FILIP1: variants seen among roughly 807,000 people sequenced by gnomAD.
FILIP1 encodes the protein filamin A interacting protein 1.
Under a neutral mutation model 102.1 loss-of-function variants are expected in FILIP1, and 61 were observed. The observed-to-expected ratio is 0.60, with a 90% CI of 0.49 to 0.74. The LOEUF (loss-of-function observed/expected upper bound fraction) is 0.74. Ranked by LOEUF, FILIP1 falls within the 30% of genes least tolerant of loss-of-function variation. FILIP1 has a pLI of 0.00. For missense variants in FILIP1, 1,314 were observed against 1,441.2 expected (o/e 0.91, Z 1.43); for synonymous variants, 491 against 526.9 (o/e 0.93, Z 0.93).
chr6:75,383,265 A>T (rs1775961292), intron 2 of FILIP1, among the ~76,000 whole-genome samples: 1 of 152,182 alleles, frequency 6.6e-6, no homozygotes, highest in Non-Finnish European at 1.5e-5. Flanking sequence ...TCTGGTGGAA[A>T]TAGCAAAATC....
intron 1 of FILIP1, among the ~76,000 whole-genome samples, chr6:75,483,898 C>T (rs1284075047): frequency 6.6e-6 from 1 of 152,140 alleles, no homozygotes; most frequent in Admixed American, 6.6e-5. Flanking sequence ...GGGAGATGAA[C>T]AATTCCCTCA....
chr6:75,344,438 A>G (rs1019724392), intron 4 of FILIP1, among the ~76,000 whole-genome samples: 1 of 152,206 alleles, frequency 6.6e-6, no homozygotes, highest in African/African-American at 2.4e-5. Flanking sequence ...TCTTACTAAA[A>G]TCAGAGTTCT....
chr6:75,416,888 A>C (rs1481141110), intron 1 of FILIP1, among the ~76,000 whole-genome samples: 1 of 152,184 alleles, frequency 6.6e-6, no homozygotes, highest in East Asian at 1.9e-4. Context: ...CAGTATTTAA[A>C]TCTGATTGTA....
chr6:75,374,043 T>C (rs1158491003), intron 2 of FILIP1, among the ~76,000 whole-genome samples: 1 of 152,196 alleles, frequency 6.6e-6, no homozygotes, highest in Non-Finnish European at 1.5e-5. Context: ...TATAAAAGTG[T>C]AGTCATATTT....
intron 1 of FILIP1, among the ~76,000 whole-genome samples, chr6:75,418,869 C>G (rs765477540): frequency 1.6e-4 from 25 of 152,106 alleles, no homozygotes; most frequent in Non-Finnish European, 3.1e-4. Flanking sequence ...CTTTTCCATT[C>G]ATAGTAGTCA....
chr6:75,311,325 G>A (rs996365217), intron 5 of FILIP1, among the ~76,000 whole-genome samples: 22 of 150,676 alleles, frequency 1.5e-4, no homozygotes, highest in African/African-American at 5.4e-4. Flanking sequence ...TGAGATTACA[G>A]GTGTGCACCA....
At chr6:75,452,631 C>T (rs561499552) in intron 1 of FILIP1, among the ~76,000 whole-genome samples, 7 of 152,156 alleles carry the variant, frequency 4.6e-5, no homozygotes, top group South Asian at 4.1e-4. Flanking sequence ...GGTTTATTCA[C>T]GTTATAGGAA....
chr6:75,473,044 T>C (rs1009861085), intron 1 of FILIP1, among the ~76,000 whole-genome samples: 21 of 152,160 alleles, frequency 1.4e-4, no homozygotes, highest in Non-Finnish European at 2.9e-4. Context: ...GAGGGAAGAC[T>C]GTGGGTATGG....
chr6:75,439,142 T>C (rs988103738), intron 1 of FILIP1, among the ~76,000 whole-genome samples: 4 of 152,182 alleles, frequency 2.6e-5, no homozygotes, highest in African/African-American at 9.7e-5. Flanking sequence ...AAATCTAAGC[T>C]ACTAAAAGTT....
At chr6:75,359,711 T>G (rs1200022248) in intron 3 of FILIP1, among the ~76,000 whole-genome samples, 1 of 152,108 alleles carries the variant, frequency 6.6e-6, no homozygotes, top group Non-Finnish European at 1.5e-5. Context: ...GAAAATATTT[T>G]TGTTGCCTTG....
At chr6:75,442,841 T>G (rs909297449) in intron 1 of FILIP1, among the ~76,000 whole-genome samples, 2 of 152,230 alleles carry the variant, frequency 1.3e-5, no homozygotes, top group Admixed American at 1.3e-4. Flanking sequence ...GGATCCCCAG[T>G]CAGTGTCATC....
chr6:75,311,037 G>A (rs1191964609), intron 5 of FILIP1, among the ~76,000 whole-genome samples: 1 of 152,114 alleles, frequency 6.6e-6, no homozygotes, highest in Admixed American at 6.5e-5. Context: ...AACTTGTTCA[G>A]GGTCTAGAAA....
chr6:75,367,244 G>C (rs1259602298), intron 2 of FILIP1: 1 of 152,034 alleles, frequency 6.6e-6, no homozygotes, highest in Non-Finnish European at 1.5e-5. Flanking sequence ...ACTAATTACT[G>C]AAGAAAAAGA....
rs71561425 is a variant in FILIP1 at position 75,404,393 on chromosome 6, C to G, written c.276+10304G>C. Among the ~76,000 whole-genome samples, 860 of 152,254 alleles carry G rather than the reference C, an allele frequency of 5.6e-3. 3 individuals are homozygous for G. Among genetic ancestry groups the G allele is most frequent in the Middle Eastern group, 0.024 (7 of 294 alleles). On this transcript the variant is annotated intron_variant, in intron 2 of 5. Transcript: ENST00000237172. ...CCTGCTGGGCACCGTCTCATCAACA[C>G]ATTCTACTTTCTTATACTATTGTCC... is the stretch of plus-strand genomic sequence containing the variant.
chr6:75,361,932 T>C (rs186119817), intron 3 of FILIP1: 31 of 152,382 alleles, frequency 2.0e-4, no homozygotes, highest in Middle Eastern at 3.4e-3. Flanking sequence ...TTGTGAATGC[T>C]GTCTACAGCA....
intron 3 of FILIP1, 118 bp from the exon 4 acceptor site, chr6:75,353,835 G>A (rs1233040959): frequency 1.1e-6 from 1 of 936,332 alleles, no homozygotes; most frequent in Non-Finnish European, 1.6e-6. Context: ...AGTGAGTCTG[G>A]TATTCACCAC....
intron 6 of FILIP1, among the ~76,000 whole-genome samples, chr6:75,300,352 G>A (rs995184475): frequency 6.6e-6 from 1 of 152,078 alleles, no homozygotes. Flanking sequence ...TGCTTCCCAT[G>A]TTCTATGGCT....
intron 1 of FILIP1, among the ~76,000 whole-genome samples, chr6:75,431,628 AC>A (rs1365808665): frequency 6.6e-6 from 1 of 152,180 alleles, no homozygotes; most frequent in Non-Finnish European, 1.5e-5. Context: ...GATTTGCCAG[AC>A]AGCTGACAAA....
At chr6:75,342,274 A>G (rs6921940) in intron 4 of FILIP1, among the ~76,000 whole-genome samples, 111,886 of 152,126 alleles carry the variant, frequency 0.74, 41,691 homozygotes, top group African/African-American at 0.86. Flanking sequence ...TAGATCAGAT[A>G]ATCCTCTGAA....
Sources: gnomAD v4.1 joint callset for allele counts (sites outside exome capture counted in the v4.1 genomes callset) on GRCh38, gnomAD v4.1.1 for gene constraint, MANE v1.5 for transcripts, NCBI Gene and HGNC (gene_info 2026-07-23, HGNC 2026-07-21) for gene names.